Variants in MAPKAP1 observed in about 807,000 individuals in gnomAD.
MAPKAP1 encodes the protein target of rapamycin complex 2 subunit MAPKAP1.
In MAPKAP1, 20 loss-of-function variants were observed where a neutral mutation model predicts 65.7. The ratio of observed to expected loss-of-function variants is 0.30; its 90% CI spans 0.21 to 0.44. MAPKAP1 has a LOEUF of 0.44. Among genes scored for constraint, MAPKAP1 ranks in the 20% least tolerant of loss-of-function variants. MAPKAP1 has a pLI of 1.00. For synonymous variants in MAPKAP1, 222 were observed against 244.3 expected, an observed-to-expected ratio of 0.91 and a Z score of 0.85; for missense variants, 423 against 648.0, an observed-to-expected ratio of 0.65 and a Z score of 3.77.
intron 4 of MAPKAP1, among the ~76,000 whole-genome samples, chr9:125,635,322 A>AAATTAAAT (rs1833393012): frequency 1.3e-5 from 2 of 152,214 alleles, no homozygotes; most frequent in Non-Finnish European, 2.9e-5. Flanking sequence ...TCCCAATACT[A>AAATTAAAT]CAAATTAAAT....
intron 4 of MAPKAP1, among the ~76,000 whole-genome samples, chr9:125,627,549 C>T (rs189053503): frequency 3.3e-5 from 5 of 152,118 alleles, no homozygotes; most frequent in African/African-American, 7.2e-5. Flanking sequence ...CCACTGGAAC[C>T]GGAACACATT....
intron 4 of MAPKAP1, among the ~76,000 whole-genome samples, chr9:125,646,942 A>G (rs1360561775): frequency 6.6e-6 from 1 of 152,208 alleles, no homozygotes; most frequent in Non-Finnish European, 1.5e-5. Context: ...TTTGATTACT[A>G]TAACCATACT....
chr9:125,693,548 CAT>C (rs1445940239), intron 1 of MAPKAP1, among the ~76,000 whole-genome samples: 1 of 129,444 alleles, frequency 7.7e-6, no homozygotes, highest in Non-Finnish European at 1.6e-5. Context: ...CACATATATA[CAT>C]ATACACACAC....
intron 5 of MAPKAP1, among the ~76,000 whole-genome samples, chr9:125,584,057 C>T (rs1316204033): frequency 1.3e-5 from 2 of 150,900 alleles, no homozygotes; most frequent in African/African-American, 4.9e-5. Context: ...AGCAAGACTC[C>T]GTCTCCAAAA....
chr9:125,596,370 G>A (rs376779228), intron 4 of MAPKAP1: 6 of 800,862 alleles, frequency 7.5e-6, no homozygotes, highest in East Asian at 7.3e-5. Context: ...TGGTGGTGGT[G>A]GATATGGTGG....
chr9:125,584,001 T>C (rs1589311933), intron 5 of MAPKAP1, among the ~76,000 whole-genome samples: 7 of 150,942 alleles, frequency 4.6e-5, no homozygotes, highest in Admixed American at 4.6e-4. Flanking sequence ...AGGCGGAGCC[T>C]GCAGTGAGCC....
At chr9:125,535,447 T>G (rs1830045996) in intron 7 of MAPKAP1, among the ~76,000 whole-genome samples, 1 of 152,152 alleles carries the variant, frequency 6.6e-6, no homozygotes, top group African/African-American at 2.4e-5. Context: ...TGATTTCCAG[T>G]GCAGCATGGC....
At position 125,503,989 on chromosome 9, in the gene MAPKAP1, A is replaced by G. The variant is rs184770144; in HGVS notation, c.1066+2321T>C. ...TGACCTCAGGTAAACCACTCACCTC[A>G]GCCTCCCAAAGTGCTGGGATTACAG... On this transcript the variant is annotated intron_variant, in intron 8 of 11. Coordinates refer to ENST00000265960, the MANE Select transcript of MAPKAP1 (RefSeq NM_001006617.3). Among the ~76,000 whole-genome samples the G allele has an allele frequency of 6.2e-3, 918 of 147,532 alleles. 20 individuals carry two copies. Among genetic ancestry groups the G allele is most frequent in the Admixed American group, 0.043 (614 of 14,130 alleles).
chr9:125,484,761 A>G (rs1432326146), intron 8 of MAPKAP1, among the ~76,000 whole-genome samples, 178 bp from the exon 9 acceptor site: 1 of 152,204 alleles, frequency 6.6e-6, no homozygotes, highest in African/African-American at 2.4e-5. Context: ...CATATTAATC[A>G]TTCAACAATT....
intron 6 of MAPKAP1, among the ~76,000 whole-genome samples, chr9:125,545,596 G>A (rs956628510): frequency 2.0e-5 from 3 of 152,132 alleles, no homozygotes; most frequent in Non-Finnish European, 2.9e-5. Context: ...AACTGCTTAC[G>A]TTCCCTCCTA....
chr9:125,563,514 A>G (rs1037985832), intron 5 of MAPKAP1, among the ~76,000 whole-genome samples: 3 of 152,202 alleles, frequency 2.0e-5, no homozygotes, highest in Non-Finnish European at 4.4e-5. Flanking sequence ...ATATTTCTGT[A>G]TATCACTAAT....
intron 5 of MAPKAP1, among the ~76,000 whole-genome samples, chr9:125,584,204 C>T (rs1014452111): frequency 1.3e-5 from 2 of 152,184 alleles, no homozygotes; most frequent in African/African-American, 4.8e-5. Flanking sequence ...GCTGACTGAA[C>T]CATTTTCTAA....
rs1291950870 is a variant in MAPKAP1, at chr9:125,707,109, C to T, written c.-208G>A. 1.5e-5 allele frequency: 6 copies of T among 398,188 alleles called. No homozygotes were observed. Among genetic ancestry groups the T allele is most frequent in the Middle Eastern group, 6.2e-4 (1 of 1,612 alleles). The allele number at this position is 398,188 out of a possible 1,614,324, so 24.7% of individuals were successfully genotyped here. A position where few individuals can be genotyped will look rare whatever the true frequency, so the allele number is the denominator to read the frequency against. On this transcript the variant is annotated 5_prime_UTR_variant, in exon 1 of 12. Transcript: ENST00000265960. ...CCACGGGGACCGGCGCTCCTCCCGG[C>T]CCGCTCAGCTGCCGCTTCCCGGGTT...
At position 125,595,481 on chromosome 9, in the gene MAPKAP1, A is replaced by G; in HGVS notation, c.499-9754T>C. ...TTAAAATAATATACATTAGCTGCTTATCATAAAATTAATTTCAAAATCATA... is the reference window on the plus strand; with the variant it reads ...TTAAAATAATATACATTAGCTGCTTGTCATAAAATTAATTTCAAAATCATA... On this transcript the variant is annotated intron_variant, in intron 4 of 11. Transcript: ENST00000265960. The surrounding 1 kb of genome is among the most constrained non-coding windows in gnomAD (Gnocchi z 4.0). 1 of 1,030,670 alleles carries G rather than the reference A, an allele frequency of 9.7e-7. No homozygotes were observed. Among genetic ancestry groups the G allele is most frequent in the Non-Finnish European group, 1.2e-6 (1 of 843,928 alleles). The allele number at this position is 1,030,670 out of a possible 1,614,324, so 63.8% of individuals were successfully genotyped here.
intron 9 of MAPKAP1, among the ~76,000 whole-genome samples, chr9:125,470,613 G>A (rs1026493482): frequency 8.5e-5 from 13 of 152,292 alleles, no homozygotes; most frequent in Non-Finnish European, 1.9e-4. Context: ...CAGTATCTCT[G>A]CATCAATTGC....
rs918286750 is a variant in MAPKAP1 at position 125,448,788 on chromosome 9, C to T, written c.1346-4190G>A. On this transcript the variant is annotated intron_variant, in intron 10 of 11. Transcript: ENST00000265960. ...GGGAGGCCAAGGTGGATGGATCACCCGAGGTTAGGAGTTTGAGACCAGCCT... is the reference window on the plus strand; with the variant it reads ...GGGAGGCCAAGGTGGATGGATCACCTGAGGTTAGGAGTTTGAGACCAGCCT... Among the ~76,000 whole-genome samples the T allele has an allele frequency of 1.1e-4, 17 of 152,124 alleles. No individual in the cohort carries two copies. In the East Asian group the frequency reaches 1.9e-3, roughly 17 times the overall value.
chr9:125,480,701 G>A (rs1854276113), intron 9 of MAPKAP1, among the ~76,000 whole-genome samples: 3 of 150,918 alleles, frequency 2.0e-5, no homozygotes, highest in South Asian at 2.1e-4. Context: ...GGCCGGGCGC[G>A]GTGGCTCACG....
intron 7 of MAPKAP1, among the ~76,000 whole-genome samples, chr9:125,513,441 T>C (rs1326954884): frequency 6.6e-6 from 1 of 152,192 alleles, no homozygotes; most frequent in African/African-American, 2.4e-5. Flanking sequence ...GAGCTTCTGG[T>C]AGCCAGAAAA....
chr9:125,702,487 T>G (rs1343067745), intron 1 of MAPKAP1, among the ~76,000 whole-genome samples: 1 of 151,254 alleles, frequency 6.6e-6, no homozygotes. Flanking sequence ...TGAGTCAAGA[T>G]CGCGCCATTG....
Sources: gnomAD v4.1 joint callset for allele counts (sites outside exome capture counted in the v4.1 genomes callset) on GRCh38, gnomAD v4.1.1 for gene constraint, Gnocchi (gnomAD v3.1) non-coding constraint, MANE v1.5 for transcripts, NCBI Gene and HGNC (gene_info 2026-07-23, HGNC 2026-07-21) for gene names.